The following RIC3 variants were observed in gnomAD, a reference collection of about 807,000 sequenced individuals.
RIC3 encodes protein RIC-3.
RIC3 carries 28 observed loss-of-function variants against 27.3 expected under a neutral mutation model. The observed-to-expected ratio is 1.02, with a 90% CI of 0.76 to 1.41. RIC3 has a LOEUF of 1.41. Ranked by LOEUF, RIC3 falls within the 40% of genes most tolerant of loss-of-function variation. The pLI is 0.00. For missense variants in RIC3, 501 were observed against 444.7 expected (o/e 1.13, Z -1.14); for synonymous variants, 184 against 160.4 (o/e 1.15, Z -1.11).
intron 5 of RIC3, among the ~76,000 whole-genome samples, chr11:8,118,787 C>T (rs986407171): frequency 6.6e-6 from 1 of 151,758 alleles, no homozygotes; most frequent in Non-Finnish European, 1.5e-5. Context: ...ATGAGAATCA[C>T]TTGAACCCAG....
At chr11:8,100,686 T>C in the RIC3 span, 3 of 1,489,276 alleles carry the variant, frequency 2.0e-6, no homozygotes, top group Non-Finnish European at 2.8e-6. Flanking sequence ...AGCTGATGTG[T>C]GTATGTGGAG....
At chr11:8,145,988 C>T (rs748849940) in intron 1 of RIC3, among the ~76,000 whole-genome samples, 34 of 152,166 alleles carry the variant, frequency 2.2e-4, no homozygotes, top group Non-Finnish European at 4.0e-4. Flanking sequence ...CGTGATATTA[C>T]ATATGTACAC....
At position 8,109,064 on chromosome 11, in the gene RIC3, T is replaced by C. The variant is rs1012689748; in HGVS notation, c.*1634A>G. On this transcript the variant is annotated 3_prime_UTR_variant, in exon 6 of 6. Transcript: ENST00000309737. ...GTGAATCAAATGTTCTACACAGAGATAGATGCAATATGCTTTCTATAAACT... is the reference window on the plus strand; with the variant it reads ...GTGAATCAAATGTTCTACACAGAGACAGATGCAATATGCTTTCTATAAACT... 5.9e-5 allele frequency: 9 copies of C among 152,260 alleles called. No individual in the cohort carries two copies. Among genetic ancestry groups the C allele is most frequent in the Non-Finnish European group, 8.8e-5 (6 of 68,044 alleles). 9.4% of individuals were successfully genotyped at this position (152,260 alleles called of 1,614,324 possible). A position where few individuals can be genotyped will look rare whatever the true frequency, so the allele number is the denominator to read the frequency against.
chr11:8,131,424 G>C (rs1017842625), intron 4 of RIC3, among the ~76,000 whole-genome samples: 1 of 152,068 alleles, frequency 6.6e-6, no homozygotes, highest in African/African-American at 2.4e-5. Context: ...TTCAGTTGGG[G>C]GATAGATGAC....
chr11:8,138,784 CT>C, intron 2 of RIC3: 1 of 239,900 alleles, frequency 4.2e-6, no homozygotes, highest in South Asian at 5.6e-5. Context: ...GTTCCTCTTC[CT>C]TATATGAAGG....
intron 1 of RIC3, among the ~76,000 whole-genome samples, chr11:8,167,831 G>A (rs923385951): frequency 6.6e-6 from 1 of 152,154 alleles, no homozygotes; most frequent in African/African-American, 2.4e-5. Flanking sequence ...CAAGTGGATA[G>A]TCTTACAAGC....
the RIC3 span, chr11:8,097,867 A>T: frequency 8.2e-5 from 112 of 1,361,752 alleles, no homozygotes; most frequent in Non-Finnish European, 1.1e-4. Flanking sequence ...AGTGGGAGGG[A>T]GGGGCAGGGG....
the RIC3 span, among the ~76,000 whole-genome samples, chr11:8,097,047 A>G: frequency 1.3e-5 from 2 of 152,058 alleles, no homozygotes; most frequent in African/African-American, 4.8e-5. Flanking sequence ...ACCTCTAGGA[A>G]CTGTTGAGGG....
At chr11:8,146,360 AAGACAT>A (rs1158524007) in intron 1 of RIC3, among the ~76,000 whole-genome samples, 1 of 152,238 alleles carries the variant, frequency 6.6e-6, no homozygotes, top group African/African-American at 2.4e-5. Context: ...TGTGGATATA[AAGACAT>A]AAACATAAAC....
chr11:8,096,629 C>T, the RIC3 span: 1 of 1,186,282 alleles, frequency 8.4e-7, no homozygotes, highest in South Asian at 1.2e-5. Context: ...ATGTGTATTT[C>T]AGGGGCAGCG....
chr11:8,118,527 TAAAAAAAAAA>T (rs11378233), intron 5 of RIC3, among the ~76,000 whole-genome samples: 10 of 66,686 alleles, frequency 1.5e-4, no homozygotes, highest in East Asian at 5.0e-4. Context: ...GCCATAATTG[TAAAAAAAAAA>T]AAAAAAAAAA....
At chr11:8,141,911 T>C (rs1245757801) in intron 1 of RIC3, among the ~76,000 whole-genome samples, 1 of 151,912 alleles carries the variant, frequency 6.6e-6, no homozygotes, top group African/African-American at 2.4e-5. Flanking sequence ...CTGAACAACC[T>C]GCTCCTGAAT....
chr11:8,148,436 T>A (rs1329675191), intron 1 of RIC3, among the ~76,000 whole-genome samples: 1 of 152,240 alleles, frequency 6.6e-6, no homozygotes, highest in Middle Eastern at 3.2e-3. Context: ...AGAGAATCTA[T>A]CAGGTGGCTA....
intron 1 of RIC3, among the ~76,000 whole-genome samples, chr11:8,163,817 T>C (rs1437874054): frequency 4.6e-5 from 7 of 151,824 alleles, no homozygotes; most frequent in Admixed American, 4.6e-4. Flanking sequence ...TGGCATTTTT[T>C]TTTTTTTTTT....
At position 8,110,200 on chromosome 11, in the gene RIC3, G is replaced by A. The variant is rs1945089306; in HGVS notation, c.*498C>T. ...ACAGCAGAGTCTTACCCTCCTCTGG[G>A]CCCATTAGCCCCACAAACAAAATGT... is the stretch of plus-strand genomic sequence containing the variant. On this transcript the variant is annotated 3_prime_UTR_variant, in exon 6 of 6. Transcript: ENST00000309737. 1 of 219,104 alleles carries A rather than the reference G, an allele frequency of 4.6e-6. No individual in the cohort carries two copies. The highest frequency in any genetic ancestry group is 9.2e-6 in the Non-Finnish European group (1 of 109,146). The allele number at this position is 219,104 out of a possible 1,614,324, so 13.6% of individuals were successfully genotyped here.
intron 1 of RIC3, among the ~76,000 whole-genome samples, chr11:8,150,166 C>T (rs1180924046): frequency 3.3e-5 from 5 of 152,214 alleles, no homozygotes; most frequent in African/African-American, 7.2e-5. Flanking sequence ...TTGCCCATCC[C>T]TCCAAGTGTA....
chr11:8,112,976 G>C (rs994517139), intron 5 of RIC3, among the ~76,000 whole-genome samples: 2 of 152,172 alleles, frequency 1.3e-5, no homozygotes, highest in African/African-American at 4.8e-5. Context: ...CCAGAAGAGT[G>C]GTATAAATTT....
At chr11:8,135,387 C>T (rs1424443012) in intron 4 of RIC3, among the ~76,000 whole-genome samples, 2 of 152,104 alleles carry the variant, frequency 1.3e-5, no homozygotes, top group Admixed American at 6.6e-5. Flanking sequence ...TTACTGTAGC[C>T]TTGTAGTATA....
intron 1 of RIC3, among the ~76,000 whole-genome samples, chr11:8,167,198 G>A (rs1264076741): frequency 6.6e-6 from 1 of 152,028 alleles, no homozygotes; most frequent in Non-Finnish European, 1.5e-5. Context: ...AGAAACAGTG[G>A]TAAACAAGAC....
Sources: allele counts gnomAD v4.1 joint callset (sites outside exome capture counted in the v4.1 genomes callset), GRCh38; gene constraint gnomAD v4.1.1; transcripts MANE v1.5; gene names NCBI Gene and HGNC (gene_info 2026-07-23, HGNC 2026-07-21).